Variants in SLC28A2 observed in about 807,000 individuals in gnomAD.
SLC28A2 encodes the protein sodium/nucleoside cotransporter 2.
Under a neutral mutation model 72.9 loss-of-function variants are expected in SLC28A2, and 69 were observed. That is an observed-to-expected ratio of 0.95 (90% confidence interval 0.78 to 1.16). SLC28A2 has a LOEUF of 1.16. Among genes scored for constraint, SLC28A2 ranks in the 50% most tolerant of loss-of-function variants. The pLI, the probability that SLC28A2 is intolerant of heterozygous loss-of-function variation, is 0.00. For missense variants in SLC28A2, 745 were observed against 791.1 expected, an observed-to-expected ratio of 0.94 and a Z score of 0.70; for synonymous variants, 296 against 294.1, an observed-to-expected ratio of 1.01 and a Z score of -0.07.
intron 13 of SLC28A2, among the ~76,000 whole-genome samples, chr15:45,268,960 T>G (rs1207185007): frequency 7.5e-6 from 1 of 132,726 alleles, no homozygotes; most frequent in African/African-American, 2.9e-5. Flanking sequence ...AGGTGGGAAT[T>G]GAACAATGGG....
chr15:45,268,374 T>G lies in SLC28A2; in HGVS notation c.1364T>G (p.Phe455Cys). 6.3e-7 allele frequency: 1 copy of G among 1,587,388 alleles called. No individual in the cohort carries two copies. Among genetic ancestry groups the G allele is most frequent in the Non-Finnish European group, 8.6e-7 (1 of 1,158,986 alleles). The change falls in exon 13 of 18, where the codon TTC becomes TGC. Residue 455 changes from phenylalanine to cysteine, a missense_variant. Physicochemically the swap from Phe to Cys is radical, Grantham distance 205 (BLOSUM62 -2). Transcript: ENST00000347644. Reference protein sequence around the residue: ...GELVDIQGLTFQVICSYLLRP... With the variant: ...GELVDIQGLTCQVICSYLLRP... ...TTGGTGGACATACAGGGGCTCACTTTCCAGGTAAAGGATTACATTTGTTGG... is the reference window on the plus strand; with the variant it reads ...TTGGTGGACATACAGGGGCTCACTTGCCAGGTAAAGGATTACATTTGTTGG...
At chr15:45,264,566 T>C (rs2140569414) in intron 6 of SLC28A2, 89 bp from the exon 7 acceptor site, 1 of 825,678 alleles carries the variant, frequency 1.2e-6, no homozygotes, top group African/African-American at 1.7e-5. Flanking sequence ...ATATTCTAGG[T>C]TGGTTCCACC....
rs752654878 is a variant in SLC28A2, at chr15:45,267,447, G to A, written c.943-8G>A. The A allele has an allele frequency of 1.6e-5, 26 of 1,613,986 alleles. No homozygotes were observed. Among genetic ancestry groups the A allele is most frequent in the Admixed American group, 3.3e-5 (2 of 59,988 alleles). ...CTTGGAATCTGACTGTTTTCTCCGT[G>A]TTTGTAGACAGAGGCACCTCTGCTC... On this transcript the variant is annotated splice_region_variant and splice_polypyrimidine_tract_variant and intron_variant, in intron 10 of 17. Transcript: ENST00000347644.
rs746721673 is a variant in SLC28A2, at chr15:45,267,597, T to G, written c.1068+17T>G. 4 of 1,614,084 alleles carry G rather than the reference T, an allele frequency of 2.5e-6. No homozygotes were observed. Among genetic ancestry groups the G allele is most frequent in the South Asian group, 1.1e-5 (1 of 91,080 alleles). ...GCCTTTGGGGTAGGCATAGTCTGCT[T>G]GATCACTCCTGGGTGAACTCGAGTT... On this transcript the variant is annotated intron_variant, in intron 11 of 17. Transcript: ENST00000347644.
chr15:45,261,071 C>T (rs1278648410), intron 3 of SLC28A2, among the ~76,000 whole-genome samples: 1 of 152,212 alleles, frequency 6.6e-6, no homozygotes, highest in South Asian at 2.1e-4. Context: ...GGTCCTAACC[C>T]TGGCTAAGCT....
At position 45,274,320 on chromosome 15, in the gene SLC28A2, G is replaced by A. The variant is rs528769130; in HGVS notation, c.1860-1076G>A. ...TCAAGACCAGCCTGGGCAACATGGC[G>A]AAACCCCATCTCTACTAAAACAAAA... On this transcript the variant is annotated intron_variant, in intron 17 of 17. Transcript: ENST00000347644. Among the ~76,000 whole-genome samples, 21 of 152,138 alleles carry A rather than the reference G, an allele frequency of 1.4e-4. No individual in the cohort carries two copies. In the South Asian group the frequency reaches 3.9e-3, roughly 29 times the overall value.
intron 3 of SLC28A2, among the ~76,000 whole-genome samples, chr15:45,261,669 G>C (rs1900167813): frequency 6.6e-6 from 1 of 152,158 alleles, no homozygotes; most frequent in Non-Finnish European, 1.5e-5. Context: ...AAGAAGAACA[G>C]GCCCTCTTGT....
intron 12 of SLC28A2, 80 bp downstream of exon 12, chr15:45,267,876 C>G: frequency 6.7e-7 from 1 of 1,492,178 alleles, no homozygotes; most frequent in East Asian, 2.3e-5. Context: ...GACTTCAAGT[C>G]TCCCTGAGGG....
Position 45,269,543 on chromosome 15 carries a change from A to C in SLC28A2, c.1566+8A>C. 1 of 1,610,532 alleles carries C rather than the reference A, an allele frequency of 6.2e-7. No homozygotes were observed. Among genetic ancestry groups the C allele is most frequent in the Non-Finnish European group, 8.5e-7 (1 of 1,176,696 alleles). On this transcript the variant is annotated splice_region_variant and intron_variant, in intron 14 of 17. Transcript: ENST00000347644. ...GAGAAACAGTGGATTTCTGTAAGTG[A>C]CAATCCAAAAAGCATAAACACCGTG...
At chr15:45,253,406 G>A in intron 2 of SLC28A2, 26 bp from the exon 3 acceptor site, 1 of 1,599,762 alleles carries the variant, frequency 6.3e-7, no homozygotes, top group East Asian at 2.2e-5. Flanking sequence ...CTCCATGACT[G>A]ATCCCAATGC....
chr15:45,268,346 G>C lies in SLC28A2; in HGVS notation c.1336G>C (p.Glu446Gln). 5.0e-6 allele frequency: 8 copies of C among 1,604,490 alleles called. No homozygotes were observed. Among genetic ancestry groups the C allele is most frequent in the Non-Finnish European group, 6.8e-6 (8 of 1,172,236 alleles). Residue 446 changes from glutamate to glutamine, a missense_variant, in exon 13 of 18, where the codon GAA becomes CAA. Glu to Gln is a conservative substitution (Grantham distance 29, BLOSUM62 2). Coordinates refer to ENST00000347644, the MANE Select transcript of SLC28A2 (RefSeq NM_004212.4). ...FINAALSWLG[E>Q]LVDIQGLTFQ... ...CAATGCTGCCCTCTCCTGGCTGGGG[G>C]AATTGGTGGACATACAGGGGCTCAC...
intron 3 of SLC28A2, among the ~76,000 whole-genome samples, chr15:45,260,812 T>A (rs895311086): frequency 2.0e-5 from 3 of 152,148 alleles, no homozygotes; most frequent in African/African-American, 7.2e-5. Context: ...GTTCTTGAGA[T>A]CCTAAAGAAT....
At chr15:45,258,976 T>C (rs1804625057) in intron 3 of SLC28A2, among the ~76,000 whole-genome samples, 2 of 152,224 alleles carry the variant, frequency 1.3e-5, no homozygotes, top group South Asian at 4.1e-4. Flanking sequence ...CATGTCTTTT[T>C]TCATTGTCTC....
intron 3 of SLC28A2, among the ~76,000 whole-genome samples, chr15:45,261,340 T>TA (rs1208328957): frequency 5.8e-5 from 4 of 69,370 alleles, no homozygotes; most frequent in Non-Finnish European, 1.1e-4. Flanking sequence ...GGAAAGTTAT[T>TA]TAACTTCTGT....
intron 17 of SLC28A2, among the ~76,000 whole-genome samples, chr15:45,273,838 T>G (rs916840497): frequency 3.9e-5 from 6 of 152,184 alleles, no homozygotes; most frequent in Non-Finnish European, 5.9e-5. Context: ...ACTATCTCTT[T>G]TCCGGCATAA....
Position 45,268,376 on chromosome 15 carries a change from C to A in SLC28A2, c.1366C>A (p.Gln456Lys). The A allele has an allele frequency of 6.3e-7, 1 of 1,584,498 alleles. No individual in the cohort carries two copies. Among genetic ancestry groups the A allele is most frequent in the Non-Finnish European group, 8.6e-7 (1 of 1,157,004 alleles). ...GGTGGACATACAGGGGCTCACTTTC[C>A]AGGTAAAGGATTACATTTGTTGGGC... Reference protein sequence around the residue: ...ELVDIQGLTFQVICSYLLRPM... With the variant: ...ELVDIQGLTFKVICSYLLRPM... The change falls in exon 13 of 18, where the codon CAG (glutamine) becomes AAG (lysine). Residue 456 changes from glutamine (Q) to lysine (K), a missense_variant and splice_region_variant. Coordinates refer to ENST00000347644, the MANE Select transcript of SLC28A2 (RefSeq NM_004212.4).
chr15:45,268,790 G>T (rs1244148751), intron 13 of SLC28A2, among the ~76,000 whole-genome samples: 1 of 152,034 alleles, frequency 6.6e-6, no homozygotes, highest in Non-Finnish European at 1.5e-5. Flanking sequence ...ATGATAGACT[G>T]GATTAAGAAA....
At chr15:45,265,534 C>A in intron 8 of SLC28A2, 49 bp from the exon 9 acceptor site, 1 of 1,295,982 alleles carries the variant, frequency 7.7e-7, no homozygotes, top group Non-Finnish European at 1.1e-6. Context: ...GCCTAAAACA[C>A]AGAGTATGCA....
At chr15:45,264,870 G>T in intron 7 of SLC28A2, 102 bp downstream of exon 7, 1 of 797,902 alleles carries the variant, frequency 1.3e-6, no homozygotes. Context: ...TTAATGATGT[G>T]GTGGAAGATC....
Sources: gnomAD v4.1 joint callset for allele counts (sites outside exome capture counted in the v4.1 genomes callset) on GRCh38, gnomAD v4.1.1 for gene constraint, MANE v1.5 for transcripts, NCBI Gene and HGNC (gene_info 2026-07-23, HGNC 2026-07-21) for gene names.